Variants in SLIT2 observed in about 807,000 individuals in gnomAD.
SLIT2 encodes the protein slit homolog 2 protein.
Under a neutral mutation model 185.7 loss-of-function variants are expected in SLIT2, and 41 were observed. The observed-to-expected ratio is 0.22, with a 90% CI of 0.17 to 0.29. The LOEUF is 0.29. Among genes scored for constraint, SLIT2 ranks in the 10% least tolerant of loss-of-function variants. SLIT2 has a pLI of 1.00. For synonymous variants in SLIT2, 693 were observed against 680.2 expected, an observed-to-expected ratio of 1.02 and a Z score of -0.29; for missense variants, 1,571 against 1,909.0, an observed-to-expected ratio of 0.82 and a Z score of 3.30.
At chr4:20,423,947 G>C (rs1009047637) in intron 4 of SLIT2, among the ~76,000 whole-genome samples, 1 of 152,142 alleles carries the variant, frequency 6.6e-6, no homozygotes, top group Admixed American at 6.6e-5. Context: ...ATTTCATATG[G>C]TTAAAGAATC....
intron 4 of SLIT2, among the ~76,000 whole-genome samples, chr4:20,402,121 GAA>G (rs1340166367): frequency 6.6e-6 from 1 of 151,742 alleles, no homozygotes; most frequent in Non-Finnish European, 1.5e-5. Context: ...CAGATAAAAG[GAA>G]AAGACAGGAA....
Position 20,254,427 on chromosome 4 carries a change from G to A in SLIT2, c.179+433G>A, listed in dbSNP as rs1449843610. Among the ~76,000 whole-genome samples, 1 of 152,192 alleles carries A rather than the reference G, an allele frequency of 6.6e-6. No individual in the cohort carries two copies. Among genetic ancestry groups the A allele is most frequent in the Non-Finnish European group, 1.5e-5 (1 of 68,038 alleles). Reference sequence around the variant, plus strand: ...GCTCTTGTCGCAGGCTGGCGCGGAGGGGATAGCAGGGAGACTCAAAAGAGA... The same window carrying A: ...GCTCTTGTCGCAGGCTGGCGCGGAGAGGATAGCAGGGAGACTCAAAAGAGA... On this transcript the variant is annotated intron_variant, in intron 1 of 36. Transcript: ENST00000504154. This position sits in a 1 kb window ranked among gnomAD's most constrained non-coding sequence, Gnocchi z 5.1.
chr4:20,283,630 C>G (rs1383115862), intron 4 of SLIT2, among the ~76,000 whole-genome samples: 1 of 152,040 alleles, frequency 6.6e-6, no homozygotes, highest in Non-Finnish European at 1.5e-5. Context: ...TCTTAGTTCC[C>G]CCAGTAAGTT....
At chr4:20,557,656 T>G (rs1325227479) in intron 26 of SLIT2, among the ~76,000 whole-genome samples, 2 of 152,036 alleles carry the variant, frequency 1.3e-5, no homozygotes, top group African/African-American at 4.8e-5. Flanking sequence ...AGCCCATGGA[T>G]AAAGGAATAA....
chr4:20,549,634 A>G (rs988368979), intron 24 of SLIT2, among the ~76,000 whole-genome samples: 1 of 151,912 alleles, frequency 6.6e-6, no homozygotes, highest in South Asian at 2.1e-4. Context: ...GCCCATGGCT[A>G]TATAGCTTTT....
intron 4 of SLIT2, among the ~76,000 whole-genome samples, chr4:20,295,738 A>T (rs2109093056): frequency 6.6e-6 from 1 of 152,308 alleles, no homozygotes; most frequent in South Asian, 2.1e-4. Flanking sequence ...GTGCACAATG[A>T]TTTATTTATT....
chr4:20,599,597 G>A (rs1407709989), intron 33 of SLIT2, among the ~76,000 whole-genome samples: 1 of 152,116 alleles, frequency 6.6e-6, no homozygotes, highest in African/African-American at 2.4e-5. Flanking sequence ...TGTCAAAACA[G>A]GATTTCATCT....
intron 4 of SLIT2, among the ~76,000 whole-genome samples, chr4:20,274,458 G>T (rs149160730): frequency 6.6e-6 from 1 of 152,244 alleles, no homozygotes; most frequent in Non-Finnish European, 1.5e-5. Flanking sequence ...GCAAAGCCCT[G>T]AGCAGGACCT....
intron 4 of SLIT2, among the ~76,000 whole-genome samples, chr4:20,273,667 C>G (rs1713867876): frequency 6.6e-6 from 1 of 152,068 alleles, no homozygotes; most frequent in Non-Finnish European, 1.5e-5. Context: ...CATTTTTCAC[C>G]TAAGCAAAAT....
rs367638956 is a variant in SLIT2 at position 20,498,509 on chromosome 4, T to C, written c.914+6610T>C. Among the ~76,000 whole-genome samples, 13 of 152,356 alleles carry C rather than the reference T, an allele frequency of 8.5e-5. No homozygotes were observed. The South Asian group carries it at 1.7e-3, about 19-fold the overall frequency. ...GAGGTATACAATTTTGAATGTGATG[T>C]GATAGATTGCTATGAAGTTAGTATT... On this transcript the variant is annotated intron_variant, in intron 9 of 36. Transcript: ENST00000504154.
intron 34 of SLIT2, among the ~76,000 whole-genome samples, chr4:20,614,520 G>A (rs573923738): frequency 4.6e-5 from 7 of 152,170 alleles, no homozygotes; most frequent in African/African-American, 1.7e-4. Flanking sequence ...GCTCATACCT[G>A]TAATCCCAGC....
chr4:20,376,141 T>TAC (rs1724003222), intron 4 of SLIT2, among the ~76,000 whole-genome samples: 3 of 115,686 alleles, frequency 2.6e-5, no homozygotes, highest in Non-Finnish European at 5.3e-5. Flanking sequence ...TTTTTTTTTT[T>TAC]ACAAATCTCT....
chr4:20,452,657 A>G (rs1712599002), intron 4 of SLIT2, among the ~76,000 whole-genome samples: 1 of 152,154 alleles, frequency 6.6e-6, no homozygotes, highest in African/African-American at 2.4e-5. Context: ...GTATGGAAAG[A>G]AACCCTTCTC....
intron 4 of SLIT2, among the ~76,000 whole-genome samples, chr4:20,291,488 ATATATTTTTTTTTTTTTTTTT>A (rs1715911033): frequency 2.9e-4 from 3 of 10,266 alleles, no homozygotes; most frequent in Non-Finnish European, 1.6e-4. Flanking sequence ...ATATATATAT[ATATATTTTTTTTTTTTTTTTT>A]TTTTTTTTTT....
chr4:20,332,226 T>C (rs536795394), intron 4 of SLIT2, among the ~76,000 whole-genome samples: 1 of 152,266 alleles, frequency 6.6e-6, no homozygotes, highest in East Asian at 1.9e-4. Flanking sequence ...ACCCACACTT[T>C]TGCCTAATTG....
chr4:20,370,492 A>C (rs1352483725), intron 4 of SLIT2, among the ~76,000 whole-genome samples: 2 of 152,074 alleles, frequency 1.3e-5, no homozygotes, highest in Non-Finnish European at 2.9e-5. Context: ...AGCACAGTAC[A>C]TGCCTGAAAC....
intron 4 of SLIT2, among the ~76,000 whole-genome samples, chr4:20,389,945 C>T (rs1725284651): frequency 6.6e-6 from 1 of 152,088 alleles, no homozygotes; most frequent in South Asian, 2.1e-4. Context: ...AAATACTCTC[C>T]TTGCTTACAT....
At chr4:20,572,377 A>C (rs1453505748) in intron 29 of SLIT2, among the ~76,000 whole-genome samples, 1 of 152,252 alleles carries the variant, frequency 6.6e-6, no homozygotes, top group Non-Finnish European at 1.5e-5. Context: ...GTAGGACTTC[A>C]GAATTGTTAA....
chr4:20,322,799 C>T (rs555482534), intron 4 of SLIT2, among the ~76,000 whole-genome samples: 52 of 152,182 alleles, frequency 3.4e-4, no homozygotes, highest in Admixed American at 9.2e-4. Flanking sequence ...TTATAGGTTT[C>T]GGTGATGAAT....
Sources: gnomAD v4.1 joint callset for allele counts (sites outside exome capture counted in the v4.1 genomes callset) on GRCh38, gnomAD v4.1.1 for gene constraint, Gnocchi (gnomAD v3.1) non-coding constraint, MANE v1.5 for transcripts, NCBI Gene and HGNC (gene_info 2026-07-23, HGNC 2026-07-21) for gene names.